CFAP43: variants seen among roughly 807,000 people sequenced by gnomAD.
CFAP43 encodes the protein cilia and flagella associated protein 43, also known as cilia- and flagella-associated protein 43.
In CFAP43, 155 loss-of-function variants were observed where a neutral mutation model predicts 218.9. The ratio of observed to expected loss-of-function variants is 0.71; its 90% CI spans 0.62 to 0.81. The LOEUF (loss-of-function observed/expected upper bound fraction) is 0.81, where lower values mean the gene tolerates loss of function less well. CFAP43 is among the 30% of genes least tolerant of loss of function. The pLI is 0.00. For synonymous variants in CFAP43, 645 were observed against 681.3 expected (o/e 0.95, Z 0.83); for missense variants, 1,778 against 1,954.3 (o/e 0.91, Z 1.70).
At chr10:104,166,835 A>G (rs2089181332) in intron 22 of CFAP43, 117 bp from the exon 23 acceptor site, 1 of 921,668 alleles carries the variant, frequency 1.1e-6, no homozygotes, top group African/African-American at 1.7e-5. Context: ...TTGTCTTGCC[A>G]ACAACTGAAT....
At chr10:104,144,122 GTA>G (rs1235859951) in intron 31 of CFAP43, among the ~76,000 whole-genome samples, 2 of 152,318 alleles carry the variant, frequency 1.3e-5, no homozygotes, top group African/African-American at 4.8e-5. Context: ...ATGCTTTACA[GTA>G]CACTGTGAGG....
At chr10:104,141,920 A>G (rs570232876) in intron 33 of CFAP43, among the ~76,000 whole-genome samples, 1 of 152,216 alleles carries the variant, frequency 6.6e-6, no homozygotes, top group African/African-American at 2.4e-5. Flanking sequence ...GCGTGTCTAC[A>G]TGGAAAGTTC....
intron 2 of CFAP43, among the ~76,000 whole-genome samples, chr10:104,227,011 C>G (rs754214981): frequency 1.3e-5 from 2 of 152,050 alleles, no homozygotes; most frequent in Admixed American, 6.6e-5. Flanking sequence ...GAGCAAGACT[C>G]TGTCTCATCA....
At chr10:104,196,721 A>C (rs1564787142) in intron 10 of CFAP43, 132 bp downstream of exon 10, 15 of 683,214 alleles carry the variant, frequency 2.2e-5, no homozygotes, top group East Asian at 2.9e-5. Flanking sequence ...GATTACTGTA[A>C]ATCTAGAAGG....
intron 7 of CFAP43, among the ~76,000 whole-genome samples, chr10:104,205,073 C>T (rs917338574): frequency 9.9e-5 from 15 of 151,734 alleles, no homozygotes; most frequent in African/African-American, 2.7e-4. Flanking sequence ...ATTAGCAGGG[C>T]GTGGTGGTGT....
chr10:104,147,431 A>G (rs146373222), intron 29 of CFAP43, among the ~76,000 whole-genome samples: 1,969 of 152,082 alleles, frequency 0.013, 43 homozygotes, highest in African/African-American at 0.045. Flanking sequence ...ATCCAAGCTC[A>G]TATTTAGAGT....
intron 5 of CFAP43, among the ~76,000 whole-genome samples, chr10:104,208,667 CAT>C (rs1367659900): frequency 2.6e-5 from 4 of 152,238 alleles, no homozygotes; most frequent in East Asian, 1.9e-4. Flanking sequence ...ATTTTGATCA[CAT>C]GATGACAAAA....
At chr10:104,162,936 C>T (rs1168764815) in intron 24 of CFAP43, among the ~76,000 whole-genome samples, 2 of 152,030 alleles carry the variant, frequency 1.3e-5, no homozygotes, top group African/African-American at 4.8e-5. Flanking sequence ...AGAGCACTCT[C>T]CTAAATGTAG....
At chr10:104,226,001 C>G (rs762679245) in intron 2 of CFAP43, among the ~76,000 whole-genome samples, 3 of 152,236 alleles carry the variant, frequency 2.0e-5, no homozygotes, top group Non-Finnish European at 4.4e-5. Flanking sequence ...AGCTTAATAT[C>G]TGCCAGCTTT....
At chr10:104,157,775 TGAGAGAGAGAGAGA>T (rs139314213) in intron 27 of CFAP43, among the ~76,000 whole-genome samples, 12,757 of 90,104 alleles carry the variant, frequency 0.14, 871 homozygotes, top group Middle Eastern at 0.23. Context: ...TGTGTGTGTG[TGAGAGAGAGAGAGA>T]GAGAGAGAGA....
chr10:104,197,691 G>T (rs570482080), intron 9 of CFAP43, among the ~76,000 whole-genome samples: 1 of 152,312 alleles, frequency 6.6e-6, no homozygotes, highest in Admixed American at 6.5e-5. Context: ...GTTTTCAGAA[G>T]ATGATATTAT....
chr10:104,207,747 A>G lies in CFAP43; in HGVS notation c.813T>C (p.Cys271=), dbSNP rs1460507321. The G allele has an allele frequency of 6.2e-7, 1 of 1,614,200 alleles. No homozygotes were observed. Among genetic ancestry groups the G allele is most frequent in the South Asian group, 1.1e-5 (1 of 91,080 alleles). The stretch of plus-strand genomic sequence containing the variant: ...TAATCATTAAAAGATGACCCTCTTC[A>G]CAGCCAATGTACAAGTCACTTGTTG... ...WTPTSDLYIG[C]EEGHLLMING... Residue 271 remains cysteine, a synonymous_variant, in exon 6 of 38, where the codon TGT becomes TGC. Coordinates refer to ENST00000357060, the MANE Select transcript of CFAP43 (RefSeq NM_025145.7).
chr10:104,130,382 A>T, intron 37 of CFAP43, 77 bp from the exon 38 acceptor site: 1 of 1,511,064 alleles, frequency 6.6e-7, no homozygotes, highest in South Asian at 1.2e-5. Context: ...AGAATCATAC[A>T]TGTGGAAGAA....
rs1422921149 is a variant in CFAP43, at chr10:104,232,276, C to G, written c.-30G>C. The G allele has an allele frequency of 6.4e-6, 10 of 1,573,256 alleles. No individual in the cohort carries two copies. Among genetic ancestry groups the G allele is most frequent in the Non-Finnish European group, 7.7e-6 (9 of 1,162,584 alleles). The stretch of plus-strand genomic sequence containing the variant: ...AGTGTTTTCCTCAGGCGGGAGCAGG[C>G]AGCGCACGCAGCACCCCAGGGCGGG... On this transcript the variant is annotated 5_prime_UTR_variant, in exon 1 of 38. Transcript: ENST00000357060.
chr10:104,186,383 C>G (rs569229532), intron 14 of CFAP43, among the ~76,000 whole-genome samples: 1 of 152,276 alleles, frequency 6.6e-6, no homozygotes, highest in East Asian at 1.9e-4. Flanking sequence ...ATTAAAAATC[C>G]TAGCCTACAC....
intron 34 of CFAP43, among the ~76,000 whole-genome samples, chr10:104,138,785 T>G (rs1307866939): frequency 6.6e-6 from 1 of 152,036 alleles, no homozygotes; most frequent in Non-Finnish European, 1.5e-5. Context: ...GTGAATAAAG[T>G]TTGTACTTTA....
At chr10:104,165,753 G>T (rs547229961) in intron 23 of CFAP43, among the ~76,000 whole-genome samples, 55 of 152,258 alleles carry the variant, frequency 3.6e-4, no homozygotes, top group African/African-American at 1.3e-3. Flanking sequence ...TCGAACCCCA[G>T]AATTTACAGA....
At chr10:104,221,668 T>C (rs2091185395) in intron 3 of CFAP43, among the ~76,000 whole-genome samples, 2 of 152,206 alleles carry the variant, frequency 1.3e-5, no homozygotes, top group Admixed American at 6.5e-5. Context: ...GGGACCAGCT[T>C]CTTTTGTTTT....
intron 3 of CFAP43, among the ~76,000 whole-genome samples, chr10:104,215,933 A>G (rs1346904820): frequency 6.6e-6 from 1 of 152,098 alleles, no homozygotes; most frequent in Non-Finnish European, 1.5e-5. Context: ...TCTGGGTCCC[A>G]CAGTCTTGCC....
Sources: allele counts gnomAD v4.1 joint callset (sites outside exome capture counted in the v4.1 genomes callset), GRCh38; gene constraint gnomAD v4.1.1; transcripts MANE v1.5; gene names NCBI Gene and HGNC (gene_info 2026-07-23, HGNC 2026-07-21).